SOCS5: variants seen among roughly 807,000 people sequenced by gnomAD.
SOCS5 encodes CIS-6.
SOCS5 carries 32 observed loss-of-function variants against 42.8 expected under a neutral mutation model. The ratio of observed to expected loss-of-function variants is 0.75; its 90% CI spans 0.56 to 1.01. The LOEUF is 1.01. SOCS5 is among the 50% of genes least tolerant of loss of function. SOCS5 has a pLI of 0.00. For synonymous variants in SOCS5, 283 were observed against 229.6 expected (o/e 1.23, Z -2.10); for missense variants, 627 against 653.0 (o/e 0.96, Z 0.43).
intron 1 of SOCS5, among the ~76,000 whole-genome samples, chr2:46,725,990 C>T (rs1024227302): frequency 6.6e-5 from 10 of 151,650 alleles, no homozygotes; most frequent in Admixed American, 2.0e-4. Flanking sequence ...ATAAGTAATG[C>T]GTCACTTTTT....
At chr2:46,748,189 C>CTTTTTTT (rs35861326) in intron 1 of SOCS5, among the ~76,000 whole-genome samples, 7 of 138,788 alleles carry the variant, frequency 5.0e-5, no homozygotes, top group Non-Finnish European at 7.8e-5. Flanking sequence ...TTTTCTTTTT[C>CTTTTTTT]TTTTTTTTTT....
At chr2:46,741,413 A>G (rs1286345369) in intron 1 of SOCS5, among the ~76,000 whole-genome samples, 1 of 152,018 alleles carries the variant, frequency 6.6e-6, no homozygotes, top group East Asian at 1.9e-4. Context: ...TAATTTTTGT[A>G]TTTTTACAAA....
intron 1 of SOCS5, among the ~76,000 whole-genome samples, chr2:46,747,894 C>A (rs1208418664): frequency 6.6e-6 from 1 of 152,282 alleles, no homozygotes; most frequent in Middle Eastern, 3.4e-3. Flanking sequence ...TTTTCAGATT[C>A]TGAGCTTTTG....
chr2:46,749,510 A>G (rs1673578986), intron 1 of SOCS5, among the ~76,000 whole-genome samples: 1 of 152,172 alleles, frequency 6.6e-6, no homozygotes, highest in Admixed American at 6.5e-5. Context: ...AAACATTTTG[A>G]TGAATCGTGT....
Position 46,758,774 on chromosome 2 carries a change from T to G in SOCS5, c.244T>G (p.Cys82Gly), listed in dbSNP as rs142965588. Residue 82 changes from cysteine to glycine, a missense_variant, in exon 2 of 2, where the codon TGT (cysteine) becomes GGT (glycine). Physicochemically the swap from Cys to Gly is radical, Grantham distance 159. Coordinates refer to ENST00000394861, the MANE Select transcript of SOCS5 (RefSeq NM_144949.3). The part of the protein sequence containing the change: ...SKNSSRRNQN[C>G]ATEIPQIVEI... The stretch of plus-strand genomic sequence containing the variant: ...GAATTCTTCAAGGAGAAATCAAAAT[T>G]GTGCCACAGAAATCCCTCAAATTGT... 2.6e-5 allele frequency: 42 copies of G among 1,614,070 alleles called. No individual in the cohort carries two copies. Among genetic ancestry groups the G allele is most frequent in the Admixed American group, 6.7e-5 (4 of 60,000 alleles).
At chr2:46,728,373 TATG>T (rs2103723087) in intron 1 of SOCS5, among the ~76,000 whole-genome samples, 1 of 152,344 alleles carries the variant, frequency 6.6e-6, no homozygotes, top group African/African-American at 2.4e-5. Flanking sequence ...TACTGTTAAG[TATG>T]ATATTCATTT....
Position 46,706,226 on chromosome 2 carries a change from A to G in SOCS5, c.-13+6777A>G, listed in dbSNP as rs910381930. On this transcript the variant is annotated intron_variant, in intron 1 of 1. Transcript: ENST00000394861. ...TCAGAAAGGTAGGTGGCATTATCCC[A>G]TTTTATAGAAGAGCAAGTTTGACAC... 3.9e-5 allele frequency among the ~76,000 whole-genome samples: 6 copies of G among 152,222 alleles called. No individual in the cohort carries two copies. In the East Asian group the frequency reaches 1.2e-3, roughly 29 times the overall value.
chr2:46,733,139 G>T (rs1238536267), intron 1 of SOCS5, among the ~76,000 whole-genome samples: 4 of 151,698 alleles, frequency 2.6e-5, no homozygotes, highest in Admixed American at 2.6e-4. Flanking sequence ...TTATTGCTCA[G>T]CCTGGAGTGC....
intron 1 of SOCS5, among the ~76,000 whole-genome samples, chr2:46,746,922 C>CTTTTTTTTTTTTTTTTTTTTTTTTTTTTT (rs11373537): frequency 2.8e-5 from 2 of 70,792 alleles, no homozygotes; most frequent in Admixed American, 2.0e-4. Context: ...GACTTTATTT[C>CTTTTTTTTTTTTTTTTTTTTTTTTTTTTT]TTTTTTTTTT....
intron 1 of SOCS5, among the ~76,000 whole-genome samples, chr2:46,739,651 C>G (rs1042661128): frequency 6.6e-6 from 1 of 152,154 alleles, no homozygotes; most frequent in East Asian, 1.9e-4. Context: ...CCCACCCCAT[C>G]GCATCCCCCA....
chr2:46,750,033 A>G (rs953601625), intron 1 of SOCS5, among the ~76,000 whole-genome samples: 9 of 152,204 alleles, frequency 5.9e-5, no homozygotes, highest in East Asian at 1.9e-4. Flanking sequence ...CATCCAACCC[A>G]TAAGGTAGAT....
intron 1 of SOCS5, among the ~76,000 whole-genome samples, chr2:46,713,620 A>G (rs1320886889): frequency 1.3e-5 from 2 of 150,760 alleles, no homozygotes; most frequent in Non-Finnish European, 3.0e-5. Flanking sequence ...AACTTTTGAC[A>G]TTGCTTTTTC....
rs546146693 is a variant in SOCS5 at position 46,702,051 on chromosome 2, T to G, written c.-13+2602T>G. 2.0e-5 allele frequency among the ~76,000 whole-genome samples: 3 copies of G among 151,960 alleles called. No individual in the cohort carries two copies. The East Asian group carries it at 5.8e-4, about 30-fold the overall frequency. On this transcript the variant is annotated intron_variant, in intron 1 of 1. Coordinates refer to ENST00000394861, the MANE Select transcript of SOCS5 (RefSeq NM_144949.3). ...GCCCCTTCACATGATCTTAGGCAAG[T>G]GATTTAACCACTGTGTACCTGAGTT... is the stretch of plus-strand genomic sequence containing the variant.
chr2:46,751,512 G>T (rs1295698850), intron 1 of SOCS5, among the ~76,000 whole-genome samples: 23 of 151,780 alleles, frequency 1.5e-4, no homozygotes, highest in Admixed American at 1.5e-3. Flanking sequence ...GAAAACATGT[G>T]GAAAGATACT....
rs1178230815 is a variant in SOCS5, at chr2:46,761,266, C to T, written c.*1125C>T. ...TCACTTAGAATAATATGTACTACTACTTGAGTGAGCGCTTTTGGAAGTTAT... is the reference window on the plus strand; with the variant it reads ...TCACTTAGAATAATATGTACTACTATTTGAGTGAGCGCTTTTGGAAGTTAT... On this transcript the variant is annotated 3_prime_UTR_variant, in exon 2 of 2. Coordinates refer to ENST00000394861, the MANE Select transcript of SOCS5 (RefSeq NM_144949.3). The T allele has an allele frequency of 1.2e-5, 2 of 166,994 alleles. No individual in the cohort carries two copies. The highest frequency in any genetic ancestry group is 6.6e-5 in the Admixed American group (1 of 15,266). 10.3% of individuals were successfully genotyped at this position (166,994 alleles called of 1,614,324 possible). A position where few individuals can be genotyped will look rare whatever the true frequency, so the allele number is the denominator to read the frequency against.
intron 1 of SOCS5, among the ~76,000 whole-genome samples, chr2:46,726,476 G>A (rs1672993424): frequency 6.6e-6 from 1 of 152,074 alleles, no homozygotes. Flanking sequence ...CTTTGTTAAA[G>A]TTTTCAGCCG....
chr2:46,709,044 G>A (rs181935051), intron 1 of SOCS5, among the ~76,000 whole-genome samples: 2 of 151,948 alleles, frequency 1.3e-5, no homozygotes, highest in South Asian at 2.1e-4. Context: ...GCACCACCAC[G>A]CCTGGCTAAT....
chr2:46,731,762 A>G (rs546495473), intron 1 of SOCS5, among the ~76,000 whole-genome samples: 1 of 152,254 alleles, frequency 6.6e-6, no homozygotes, highest in South Asian at 2.1e-4. Flanking sequence ...CACAACCCAT[A>G]AAAGTTTCAT....
intron 1 of SOCS5, among the ~76,000 whole-genome samples, chr2:46,740,815 C>T (rs553652994): frequency 6.6e-6 from 1 of 152,234 alleles, no homozygotes; most frequent in South Asian, 2.1e-4. Context: ...GAGGCCCAGA[C>T]CCACTTGTGT....
Sources: gnomAD v4.1 joint callset for allele counts (sites outside exome capture counted in the v4.1 genomes callset) on GRCh38, gnomAD v4.1.1 for gene constraint, MANE v1.5 for transcripts, NCBI Gene and HGNC (gene_info 2026-07-23, HGNC 2026-07-21) for gene names.